TMPRSS12: variants seen among roughly 807,000 people sequenced by gnomAD.
TMPRSS12 encodes the protein transmembrane serine protease 12, also known as transmembrane protease serine 12.
TMPRSS12 carries 25 observed loss-of-function variants against 26.0 expected under a neutral mutation model. That is an observed-to-expected ratio of 0.96 (90% confidence interval 0.70 to 1.34). The LOEUF (loss-of-function observed/expected upper bound fraction) is 1.34. TMPRSS12 is among the 40% of genes most tolerant of loss of function. The probability of loss-of-function intolerance (pLI) is 0.00; values close to 1 mark genes in which losing one functional copy is unlikely to be tolerated. For synonymous variants in TMPRSS12, 150 were observed against 161.7 expected (o/e 0.93, Z 0.55); for missense variants, 441 against 440.1 (o/e 1.00, Z -0.02).
chr12:50,865,870 A>G (rs1841382746), intron 3 of TMPRSS12, among the ~76,000 whole-genome samples: 1 of 152,090 alleles, frequency 6.6e-6, no homozygotes, highest in Non-Finnish European at 1.5e-5. Context: ...TTCTGCCATG[A>G]TTGTAGGTTT....
At chr12:50,885,718 C>T in intron 4 of TMPRSS12, 16 of 541,748 alleles carry the variant, frequency 3.0e-5, no homozygotes, top group South Asian at 1.0e-4. Flanking sequence ...TGCAGTGACA[C>T]AATCTCTGTT....
chr12:50,868,626 A>T (rs772534368), intron 3 of TMPRSS12, among the ~76,000 whole-genome samples: 1 of 152,202 alleles, frequency 6.6e-6, no homozygotes, highest in Non-Finnish European at 1.5e-5. Flanking sequence ...ATGGATTTAA[A>T]CTATACCTTG....
intron 1 of TMPRSS12, 36 bp from the exon 2 acceptor site, chr12:50,843,806 T>A: frequency 6.5e-7 from 1 of 1,539,980 alleles, no homozygotes; most frequent in African/African-American, 1.4e-5. Flanking sequence ...ATACTATAGA[T>A]GCTCAGTCCA....
rs531673276 is a variant in TMPRSS12 at position 50,867,434 on chromosome 12, GA to G, written c.652+8383del. ...CAATCCAACAAAGACAAAGAAAAAAGAATAAGAAAATATGAACAAAGCCTCC... is the reference window on the plus strand; with the variant it reads ...CAATCCAACAAAGACAAAGAAAAAAGATAAGAAAATATGAACAAAGCCTCC... On this transcript the variant is annotated intron_variant, in intron 3 of 4. Transcript: ENST00000398458. Among the ~76,000 whole-genome samples the G allele has an allele frequency of 2.9e-3, 449 of 152,212 alleles. 6 individuals carry two copies. The highest frequency in any genetic ancestry group is 8.5e-4 in the Non-Finnish European group (58 of 68,004).
At chr12:50,885,682 G>A (rs1212043000) in intron 4 of TMPRSS12, 1 of 579,780 alleles carries the variant, frequency 1.7e-6, no homozygotes. Context: ...ATTTGAGATA[G>A]TCTCGCTTTG....
At position 50,845,104 on chromosome 12, in the gene TMPRSS12, A is replaced by G. The variant is rs547799904; in HGVS notation, c.383+1067A>G. On this transcript the variant is annotated intron_variant, in intron 2 of 4. Coordinates refer to ENST00000398458, the MANE Select transcript of TMPRSS12 (RefSeq NM_182559.3). ...AGACATGCCAGATTTGGCCTTCACT[A>G]TTAGACTCTTTGAAAAAGAGACTCT... is the stretch of plus-strand genomic sequence containing the variant. Among the ~76,000 whole-genome samples the G allele has an allele frequency of 2.4e-4, 36 of 152,300 alleles. No individual in the cohort carries two copies. The South Asian group carries it at 6.6e-3, about 28-fold the overall frequency.
In TMPRSS12 at chr12:50,850,405, C is replaced by A. The variant is rs530234124; in HGVS notation, c.383+6368C>A. Among the ~76,000 whole-genome samples, 21 of 152,148 alleles carry A rather than the reference C, an allele frequency of 1.4e-4. No homozygotes were observed. The South Asian group carries it at 3.9e-3, about 29-fold the overall frequency. On this transcript the variant is annotated intron_variant, in intron 2 of 4. Coordinates refer to ENST00000398458, the MANE Select transcript of TMPRSS12 (RefSeq NM_182559.3). ...ACCAGCCTAGGCAAAATGGCGAGAC[C>A]CTGTCTCTACAAAAAATTTTAAAAA...
At chr12:50,857,667 T>A (rs1937891586) in intron 2 of TMPRSS12, among the ~76,000 whole-genome samples, 1 of 152,252 alleles carries the variant, frequency 6.6e-6, no homozygotes, top group African/African-American at 2.4e-5. Flanking sequence ...CTTGCTTGCT[T>A]GCTTTAAGAT....
intron 2 of TMPRSS12, among the ~76,000 whole-genome samples, chr12:50,858,392 A>T (rs1457782289): frequency 6.6e-6 from 1 of 152,230 alleles, no homozygotes; most frequent in East Asian, 1.9e-4. Context: ...TCTTTACTAA[A>T]TAGATTTGTA....
chr12:50,856,223 TAA>T (rs1937875838), intron 2 of TMPRSS12, among the ~76,000 whole-genome samples: 1 of 152,108 alleles, frequency 6.6e-6, no homozygotes, highest in African/African-American at 2.4e-5. Flanking sequence ...AAGATATAAA[TAA>T]AAGTGTTTGG....
At chr12:50,878,695 A>G (rs1415842318) in intron 3 of TMPRSS12, among the ~76,000 whole-genome samples, 1 of 152,376 alleles carries the variant, frequency 6.6e-6, no homozygotes. Context: ...CCAAGGCAAT[A>G]TAATGGAAAA....
chr12:50,858,866 A>G lies in TMPRSS12; in HGVS notation c.465A>G (p.Lys155=). The G allele has an allele frequency of 6.2e-7, 1 of 1,600,330 alleles. No individual in the cohort carries two copies. The highest frequency in any genetic ancestry group is 1.7e-4 in the Middle Eastern group (1 of 6,056). Residue 155 remains lysine (K), a synonymous_variant, in exon 3 of 5, where the codon AAA becomes AAG. Transcript: ENST00000398458. ...CTCATACCAAGAAGATAAAAATTAA[A>G]GCAATCATTATTCATCCAAACTTCA... ...RYPHTKKIKI[K]AIIIHPNFIL...
intron 2 of TMPRSS12, among the ~76,000 whole-genome samples, chr12:50,855,394 C>T (rs1045417708): frequency 3.3e-5 from 5 of 151,958 alleles, no homozygotes; most frequent in Non-Finnish European, 5.9e-5. Flanking sequence ...TTAAAATGAG[C>T]GAAGGACATG....
intron 3 of TMPRSS12, among the ~76,000 whole-genome samples, chr12:50,882,712 T>G (rs1209716566): frequency 1.3e-5 from 2 of 152,242 alleles, no homozygotes; most frequent in Non-Finnish European, 2.9e-5. Flanking sequence ...TAACCAAAAC[T>G]GACCAAAGAA....
chr12:50,873,337 AAAAT>A (rs1479799796), intron 3 of TMPRSS12, among the ~76,000 whole-genome samples: 6 of 152,176 alleles, frequency 3.9e-5, no homozygotes, highest in Non-Finnish European at 7.4e-5. Flanking sequence ...AACCTATGGA[AAAAT>A]AAATAAAATA....
At chr12:50,864,232 T>A (rs1381204502) in intron 3 of TMPRSS12, among the ~76,000 whole-genome samples, 1 of 152,204 alleles carries the variant, frequency 6.6e-6, no homozygotes, top group East Asian at 1.9e-4. Context: ...ATCCCAAGAT[T>A]TGATCCTGAC....
At chr12:50,878,753 G>A (rs1286355734) in intron 3 of TMPRSS12, among the ~76,000 whole-genome samples, 2 of 151,836 alleles carry the variant, frequency 1.3e-5, no homozygotes, top group African/African-American at 2.4e-5. Context: ...TCCTTACGCC[G>A]CGAAAAAAAA....
intron 2 of TMPRSS12, among the ~76,000 whole-genome samples, chr12:50,850,838 G>A (rs1351584459): frequency 6.6e-6 from 1 of 152,130 alleles, no homozygotes; most frequent in African/African-American, 2.4e-5. Context: ...GAACACCTCA[G>A]GTCTTCCAGT....
intron 3 of TMPRSS12, among the ~76,000 whole-genome samples, chr12:50,867,330 A>G (rs746588879): frequency 1.3e-5 from 2 of 152,236 alleles, no homozygotes; most frequent in Non-Finnish European, 2.9e-5. Context: ...CAGAAATGCA[A>G]AATGCTCTGG....
Sources: gnomAD v4.1 joint callset for allele counts (sites outside exome capture counted in the v4.1 genomes callset) on GRCh38, gnomAD v4.1.1 for gene constraint, MANE v1.5 for transcripts, NCBI Gene and HGNC (gene_info 2026-07-23, HGNC 2026-07-21) for gene names.